The following TCF3 variants were observed in gnomAD, a reference collection of about 807,000 sequenced individuals.
TCF3 encodes the protein transcription factor E2-alpha.
TCF3 carries 54 observed loss-of-function variants against 72.3 expected under a neutral mutation model. The ratio of observed to expected loss-of-function variants is 0.75; its 90% CI spans 0.60 to 0.94. The LOEUF (loss-of-function observed/expected upper bound fraction) is 0.94, where lower values mean the gene tolerates loss of function less well. TCF3 is among the 40% of genes least tolerant of loss of function. TCF3 has a pLI of 0.00. For missense variants in TCF3, 1,078 were observed against 934.4 expected (o/e 1.15, Z -2.00); for synonymous variants, 525 against 412.6 (o/e 1.27, Z -3.30).
At chr19:1,629,346 G>A (rs1245132089) in intron 5 of TCF3, among the ~76,000 whole-genome samples, 2 of 151,252 alleles carry the variant, frequency 1.3e-5, no homozygotes, top group Admixed American at 6.6e-5. Context: ...AAAGTGCCCA[G>A]CATTCAGCCT....
Position 1,611,432 on chromosome 19 carries a change from C to A in TCF3, c.*275G>T. On this transcript the variant is annotated 3_prime_UTR_variant, in exon 19 of 19. Coordinates refer to ENST00000262965, the MANE Select transcript of TCF3 (RefSeq NM_003200.5). ...CAGGGCCAAGATGCAGTTTCAGGAT[C>A]CATGGGACAGGTCACAGAGTGACAC... The A allele has an allele frequency of 2.4e-6, 1 of 417,986 alleles. No homozygotes were observed. The highest frequency in any genetic ancestry group is 6.1e-4 in the Middle Eastern group (1 of 1,640). The allele number at this position is 417,986 out of a possible 1,614,324, so 25.9% of individuals were successfully genotyped here.
chr19:1,627,295 G>C lies in TCF3; in HGVS notation c.366+64C>G, dbSNP rs1434636068. The C allele has an allele frequency of 5.1e-6, 7 of 1,364,154 alleles. No homozygotes were observed. In the East Asian group the frequency reaches 8.6e-5, roughly 17 times the overall value. The allele number at this position is 1,364,154 out of a possible 1,614,324, so 84.5% of individuals were successfully genotyped here. A position where few individuals can be genotyped will look rare whatever the true frequency, so the allele number is the denominator to read the frequency against. On this transcript the variant is annotated intron_variant, in intron 6 of 18. Coordinates refer to ENST00000262965, the MANE Select transcript of TCF3 (RefSeq NM_003200.5). ...AAGCCAGGAGAGCTTCTGCAGATCAGAGAGGGTGGGTGACAGATTTGTTTA... is the reference window on the plus strand; with the variant it reads ...AAGCCAGGAGAGCTTCTGCAGATCACAGAGGGTGGGTGACAGATTTGTTTA...
At chr19:1,638,265 G>C (rs2064739818) in intron 3 of TCF3, among the ~76,000 whole-genome samples, 2 of 152,332 alleles carry the variant, frequency 1.3e-5, no homozygotes, top group Middle Eastern at 3.4e-3. Flanking sequence ...GATGCCATTT[G>C]CTCAAGCCCT....
intron 18 of TCF3, chr19:1,612,229 C>T: frequency 6.3e-7 from 1 of 1,594,696 alleles, no homozygotes; most frequent in South Asian, 1.1e-5. Context: ...GCTCCAGCCC[C>T]AGGATGACCT....
In TCF3 at chr19:1,647,192, T is replaced by C. The variant is rs546741072; in HGVS notation, c.73-765A>G. On this transcript the variant is annotated intron_variant, in intron 2 of 18. Coordinates refer to ENST00000262965, the MANE Select transcript of TCF3 (RefSeq NM_003200.5). ...CCCGGCTCACCCGTACCCAGAACAC[T>C]AAGTCCCTAAAGATTAACGGGCTCA... is the stretch of plus-strand genomic sequence containing the variant. Among the ~76,000 whole-genome samples, 19 of 142,800 alleles carry C rather than the reference T, an allele frequency of 1.3e-4. No individual in the cohort carries two copies. The South Asian group carries it at 4.7e-3, about 36-fold the overall frequency. 93.7% of individuals were successfully genotyped at this position (142,800 alleles called of 152,430 possible). A position where few individuals can be genotyped will look rare whatever the true frequency, so the allele number is the denominator to read the frequency against.
chr19:1,651,922 C>G (rs2067159545), intron 1 of TCF3, among the ~76,000 whole-genome samples: 1 of 151,228 alleles, frequency 6.6e-6, no homozygotes, highest in South Asian at 2.1e-4. Flanking sequence ...GGCCGGGCCC[C>G]CCTCTACCCG....
At position 1,612,191 on chromosome 19, in the gene TCF3, T is replaced by C. The variant is rs977602643; in HGVS notation, c.1823-342A>G. On this transcript the variant is annotated intron_variant, in intron 18 of 18. Transcript: ENST00000262965. ...AAGGGAGAGGGTGCTGGGGCAGCCC[T>C]GGCCGGGGAGCCTACCTCGCACCTG... is the stretch of plus-strand genomic sequence containing the variant. 1 of 1,563,246 alleles carries C rather than the reference T, an allele frequency of 6.4e-7. No individual in the cohort carries two copies. Among genetic ancestry groups the C allele is most frequent in the Non-Finnish European group, 8.7e-7 (1 of 1,151,464 alleles).
intron 3 of TCF3, among the ~76,000 whole-genome samples, chr19:1,641,555 T>A (rs1413071434): frequency 6.6e-6 from 1 of 152,110 alleles, no homozygotes; most frequent in Non-Finnish European, 1.5e-5. Flanking sequence ...CAGGTTCAAG[T>A]GCTTTTCGTG....
rs1406852598 is a variant in TCF3 at position 1,619,810 on chromosome 19, C to T, written c.1137G>A (p.Ser379=). The change falls in exon 14 of 19, where the codon TCG becomes TCA. Residue 379 remains serine (S), a synonymous_variant. Coordinates refer to ENST00000262965, the MANE Select transcript of TCF3 (RefSeq NM_003200.5). ...WPRAGAPGAL[S]PSYDGGLHGL... ...CGTGGAGACCCCCGTCGTAGCTGGG[C>T]GATAAGGCACCGGGGGCTCCTGCTC... 9.5e-6 allele frequency: 15 copies of T among 1,570,832 alleles called. No homozygotes were observed. Among genetic ancestry groups the T allele is most frequent in the South Asian group, 2.3e-5 (2 of 85,334 alleles).
In TCF3 at chr19:1,621,881, G is replaced by A. The variant is rs772251941; in HGVS notation, c.912C>T (p.Val304=). The A allele has an allele frequency of 1.9e-6, 3 of 1,594,508 alleles. No individual in the cohort carries two copies. Among genetic ancestry groups the A allele is most frequent in the South Asian group, 1.1e-5 (1 of 88,124 alleles). The change falls in exon 11 of 19, where the codon GTC becomes GTT. Residue 304 remains valine, a synonymous_variant. Coordinates refer to ENST00000262965, the MANE Select transcript of TCF3 (RefSeq NM_003200.5). ...CGCTGACAGGCGGCGTGTGGCTGGA[G>A]ACGCCGCCGTACGTGGCTCCGGGGG... ...SSAPGATYGG[V]SSHTPPVSGA... is the part of the protein sequence containing the mutation.
chr19:1,633,090 G>A (rs969809128), intron 3 of TCF3, among the ~76,000 whole-genome samples: 10 of 151,924 alleles, frequency 6.6e-5, no homozygotes, highest in Admixed American at 1.3e-4. Flanking sequence ...CCTTGGTCCC[G>A]GGGCGGGGCG....
chr19:1,626,249 A>C (rs1039850941), intron 6 of TCF3, among the ~76,000 whole-genome samples: 2 of 152,088 alleles, frequency 1.3e-5, no homozygotes, highest in African/African-American at 4.8e-5. Flanking sequence ...TCGGGAGTTC[A>C]AGACCAGCCT....
In TCF3 at chr19:1,609,692, A is replaced by T; in HGVS notation, c.*2015T>A. ...GCGTAGGGGAAGCCACCGAGAAGGG[A>T]GAGGCAGCCGGACAGCCCCTCCCCT... On this transcript the variant is annotated 3_prime_UTR_variant, in exon 19 of 19. Transcript: ENST00000262965. 1 of 226,778 alleles carries T rather than the reference A, an allele frequency of 4.4e-6. No individual in the cohort carries two copies. Among genetic ancestry groups the T allele is most frequent in the Non-Finnish European group, 8.7e-6 (1 of 114,486 alleles). 14.0% of individuals were successfully genotyped at this position (226,778 alleles called of 1,614,324 possible).
At chr19:1,643,512 T>C (rs766092140) in intron 3 of TCF3, among the ~76,000 whole-genome samples, 1 of 152,200 alleles carries the variant, frequency 6.6e-6, no homozygotes, top group Admixed American at 6.5e-5. Context: ...TGAACCACTG[T>C]GTCTGGCCCT....
intron 3 of TCF3, among the ~76,000 whole-genome samples, chr19:1,644,424 T>TG (rs895676069): frequency 3.3e-5 from 5 of 152,156 alleles, no homozygotes; most frequent in South Asian, 4.1e-4. Context: ...GTCCAGGAGC[T>TG]GGGGGGTCCC....
rs576317583 is a variant in TCF3, at chr19:1,619,925, G to A, written c.1094-72C>T. 10 of 1,337,636 alleles carry A rather than the reference G, an allele frequency of 7.5e-6. No homozygotes were observed. In the African/African-American group the frequency reaches 8.7e-5, roughly 12 times the overall value. 82.9% of individuals were successfully genotyped at this position (1,337,636 alleles called of 1,614,324 possible). ...AGCATGGCCTGATGCCCATGGGGAG[G>A]GATTCATGAACCACCCCGCCTGTCC... is the stretch of plus-strand genomic sequence containing the variant. On this transcript the variant is annotated intron_variant, in intron 13 of 18. Coordinates refer to ENST00000262965, the MANE Select transcript of TCF3 (RefSeq NM_003200.5).
intron 16 of TCF3, among the ~76,000 whole-genome samples, chr19:1,618,878 G>T (rs1183736203): frequency 1.3e-5 from 2 of 152,210 alleles, no homozygotes; most frequent in African/African-American, 2.4e-5. Flanking sequence ...ACAGCGTCTG[G>T]GAGCAGGCGA....
rs755133719 is a variant in TCF3 at position 1,650,258 on chromosome 19, G to C, written c.-10C>G. 1.9e-6 allele frequency: 3 copies of C among 1,556,882 alleles called. No individual in the cohort carries two copies. The South Asian group carries it at 3.5e-5, about 18-fold the overall frequency. ...TCTGCGGCTGGTTCATTCTCCTGGG[G>C]CCAGGGCGGGCACCTCAGGCCTGGA... On this transcript the variant is annotated 5_prime_UTR_variant, in exon 2 of 19. Transcript: ENST00000262965.
At chr19:1,644,407 CCT>C (rs1157896594) in intron 3 of TCF3, among the ~76,000 whole-genome samples, 4 of 152,166 alleles carry the variant, frequency 2.6e-5, no homozygotes, top group African/African-American at 7.2e-5. Context: ...GGGGGTCACC[CCT>C]CTGTGTCCAG....
Sources: allele counts gnomAD v4.1 joint callset (sites outside exome capture counted in the v4.1 genomes callset), GRCh38; gene constraint gnomAD v4.1.1; transcripts MANE v1.5; gene names NCBI Gene and HGNC (gene_info 2026-07-23, HGNC 2026-07-21).